The following N4BP2 variants were observed in gnomAD, a reference collection of about 807,000 sequenced individuals.
N4BP2 encodes the protein NEDD4-binding protein 2.
In N4BP2, 91 loss-of-function variants were observed where a neutral mutation model predicts 152.8. The ratio of observed to expected loss-of-function variants is 0.60; its 90% confidence interval spans 0.50 to 0.71. The LOEUF (loss-of-function observed/expected upper bound fraction) is 0.71. Ranked by LOEUF, N4BP2 falls within the 30% of genes least tolerant of loss-of-function variation. The pLI, the probability that N4BP2 is intolerant of heterozygous loss-of-function variation, is 0.00. For missense variants in N4BP2, 1,923 were observed against 2,059.1 expected (o/e 0.93, Z 1.28); for synonymous variants, 646 against 705.3 (o/e 0.92, Z 1.33).
At chr4:40,065,254 G>A (rs577359671) in intron 1 of N4BP2, among the ~76,000 whole-genome samples, 2 of 152,282 alleles carry the variant, frequency 1.3e-5, no homozygotes, top group South Asian at 4.1e-4. Flanking sequence ...ACTTGATCTT[G>A]AAAGCTATAG....
At chr4:40,118,736 G>A (rs1177803854) in intron 8 of N4BP2, among the ~76,000 whole-genome samples, 4 of 152,182 alleles carry the variant, frequency 2.6e-5, no homozygotes, top group Non-Finnish European at 5.9e-5. Flanking sequence ...ACTCTTTCAA[G>A]CTAGTGTTAT....
chr4:40,133,904 C>T (rs1033647854), intron 13 of N4BP2, among the ~76,000 whole-genome samples: 8 of 152,158 alleles, frequency 5.3e-5, no homozygotes, highest in Non-Finnish European at 8.8e-5. Flanking sequence ...CTCCTAAGCT[C>T]AAGTGATCCT....
chr4:40,117,772 T>C (rs1717482126), intron 7 of N4BP2, 97 bp from the exon 8 acceptor site: 1 of 1,003,092 alleles, frequency 1.0e-6, no homozygotes, highest in Non-Finnish European at 1.4e-6. Context: ...TTCGTATCTA[T>C]TAGAAATATA....
chr4:40,073,023 G>T (rs1712366055), intron 1 of N4BP2, among the ~76,000 whole-genome samples: 2 of 152,092 alleles, frequency 1.3e-5, no homozygotes, highest in African/African-American at 4.8e-5. Context: ...ACCTGGCCAG[G>T]TCAATTTCTT....
intron 7 of N4BP2, among the ~76,000 whole-genome samples, chr4:40,115,297 G>A (rs1717244106): frequency 6.6e-6 from 1 of 152,126 alleles, no homozygotes; most frequent in Admixed American, 6.5e-5. Context: ...AGGAGTTTGA[G>A]ACTAGTCTGG....
chr4:40,141,332 G>A (rs952176532), intron 14 of N4BP2, among the ~76,000 whole-genome samples: 1 of 151,964 alleles, frequency 6.6e-6, no homozygotes, highest in African/African-American at 2.4e-5. Flanking sequence ...TTGTCAGACG[G>A]GGCGGCTTCC....
chr4:40,187,447 A>G, the N4BP2 span, among the ~76,000 whole-genome samples: 1 of 152,176 alleles, frequency 6.6e-6, no homozygotes, highest in Admixed American at 6.5e-5. Flanking sequence ...TGTTGGTTAT[A>G]TGTCACTATA....
the N4BP2 span, among the ~76,000 whole-genome samples, chr4:40,163,492 C>G: frequency 6.6e-6 from 1 of 152,220 alleles, no homozygotes; most frequent in African/African-American, 2.4e-5. Flanking sequence ...GATATATGAT[C>G]ATACCAACAA....
Position 40,121,222 on chromosome 4 carries a change from T to G in N4BP2, c.3111T>G (p.Asp1037Glu). 1 of 1,613,850 alleles carries G rather than the reference T, an allele frequency of 6.2e-7. No individual in the cohort carries two copies. Among genetic ancestry groups the G allele is most frequent in the Non-Finnish European group, 8.5e-7 (1 of 1,179,948 alleles). Residue 1037 changes from aspartate (D) to glutamate (E), a missense_variant, in exon 9 of 18, where the codon GAT (aspartate) becomes GAG (glutamate). Coordinates refer to ENST00000261435, the MANE Select transcript of N4BP2 (RefSeq NM_018177.6). ...AAAAGAATAAAATTAGCATTTCAGA[T>G]TCTATCAAAGTATTAACAGGAAGAT... Reference protein sequence around the residue: ...KIEKNKISISDSIKVLTGRLD... With the variant: ...KIEKNKISISESIKVLTGRLD...
chr4:40,092,424 G>A (rs1714693341), intron 2 of N4BP2, among the ~76,000 whole-genome samples: 1 of 151,674 alleles, frequency 6.6e-6, no homozygotes, highest in East Asian at 1.9e-4. Context: ...TCAAACTTTT[G>A]TGTGTTCATA....
At chr4:40,143,018 T>C (rs1006137731) in intron 15 of N4BP2, among the ~76,000 whole-genome samples, 157 bp downstream of exon 15, 2 of 152,238 alleles carry the variant, frequency 1.3e-5, no homozygotes, top group African/African-American at 4.8e-5. Context: ...AAATGTATGG[T>C]TCTGAGAATT....
the N4BP2 span, among the ~76,000 whole-genome samples, chr4:40,180,429 G>C: frequency 7.9e-5 from 12 of 152,202 alleles, no homozygotes; most frequent in East Asian, 1.9e-3. Flanking sequence ...TGATAATGCA[G>C]GCAGATAGTT....
chr4:40,185,152 A>G, the N4BP2 span, among the ~76,000 whole-genome samples: 1 of 152,104 alleles, frequency 6.6e-6, no homozygotes, highest in African/African-American at 2.4e-5. Context: ...AATTAATTTG[A>G]AAAGTAATTT....
intron 11 of N4BP2, among the ~76,000 whole-genome samples, chr4:40,124,606 C>T (rs933468322): frequency 1.3e-5 from 2 of 152,166 alleles, no homozygotes; most frequent in African/African-American, 4.8e-5. Flanking sequence ...CTTGGCCTCC[C>T]AAAGTCCTGG....
At chr4:40,188,458 A>AAG in the N4BP2 span, among the ~76,000 whole-genome samples, 2 of 152,192 alleles carry the variant, frequency 1.3e-5, no homozygotes. Context: ...TAAAGTGCTT[A>AAG]ACTGGGCCGG....
the N4BP2 span, among the ~76,000 whole-genome samples, chr4:40,169,856 T>A: frequency 6.6e-6 from 1 of 150,632 alleles, no homozygotes; most frequent in African/African-American, 2.4e-5. Flanking sequence ...TCTGAGCTAC[T>A]CGGGAGGCTG....
intron 13 of N4BP2, 91 bp from the exon 14 acceptor site, chr4:40,136,853 C>A: frequency 1.1e-6 from 1 of 931,030 alleles, no homozygotes; most frequent in Non-Finnish European, 1.6e-6. Flanking sequence ...TTTTCATATT[C>A]TTGTAAGATG....
At chr4:40,142,603 G>A in intron 14 of N4BP2, 70 bp from the exon 15 acceptor site, 1 of 1,063,320 alleles carries the variant, frequency 9.4e-7, no homozygotes, top group Admixed American at 2.3e-5. Flanking sequence ...TGTGCGTTTT[G>A]TGAAGGTGTA....
At chr4:40,080,943 G>C (rs779900539) in intron 2 of N4BP2, among the ~76,000 whole-genome samples, 5 of 151,938 alleles carry the variant, frequency 3.3e-5, no homozygotes, top group Middle Eastern at 3.4e-3. Flanking sequence ...TGGGATTACA[G>C]GCATGAGCCA....
Sources: gnomAD v4.1 joint callset for allele counts (sites outside exome capture counted in the v4.1 genomes callset) on GRCh38, gnomAD v4.1.1 for gene constraint, MANE v1.5 for transcripts, NCBI Gene and HGNC (gene_info 2026-07-23, HGNC 2026-07-21) for gene names.